The following MACROD2 variants were observed in gnomAD, a reference collection of about 807,000 sequenced individuals.
MACROD2 encodes ADP-ribose glycohydrolase MACROD2.
MACROD2 carries 36 observed loss-of-function variants against 70.4 expected under a neutral mutation model. The ratio of observed to expected loss-of-function variants is 0.51; its 90% CI spans 0.39 to 0.68. The LOEUF is 0.68. Ranked by LOEUF, MACROD2 falls within the 30% of genes least tolerant of loss-of-function variation. The probability of loss-of-function intolerance (pLI) is 0.00; values close to 1 mark genes in which losing one functional copy is unlikely to be tolerated. For missense variants in MACROD2, 496 were observed against 538.4 expected (o/e 0.92, Z 0.78); for synonymous variants, 172 against 178.8 (o/e 0.96, Z 0.30).
At chr20:15,457,086 C>G (rs1186277727) in intron 7 of MACROD2, among the ~76,000 whole-genome samples, 3 of 128,790 alleles carry the variant, frequency 2.3e-5, no homozygotes, top group Non-Finnish European at 4.8e-5. Context: ...AAAAAAAAAG[C>G]ATTTGACTTT....
chr20:15,161,759 G>A (rs78891633), intron 5 of MACROD2, among the ~76,000 whole-genome samples: 193 of 152,122 alleles, frequency 1.3e-3, no homozygotes, highest in Middle Eastern at 6.8e-3. Context: ...GAACCTGTCA[G>A]CTACACTTAA....
intron 3 of MACROD2, among the ~76,000 whole-genome samples, chr20:14,110,279 A>G (rs1384772097): frequency 6.6e-6 from 1 of 152,006 alleles, no homozygotes; most frequent in Admixed American, 6.6e-5. Flanking sequence ...TATCACCCTA[A>G]ATGGGGGAAA....
chr20:14,125,083 A>G (rs1024053318), intron 3 of MACROD2, among the ~76,000 whole-genome samples: 2 of 152,182 alleles, frequency 1.3e-5, no homozygotes, highest in African/African-American at 2.4e-5. Context: ...TTTCATTTAT[A>G]TGAACTATCC....
In MACROD2 at chr20:15,118,438, G is replaced by A. The variant is rs1365290276; in HGVS notation, c.419-111502G>A. Among the ~76,000 whole-genome samples the A allele has an allele frequency of 4.6e-5, 7 of 152,002 alleles. No individual in the cohort carries two copies. The East Asian group carries it at 7.8e-4, about 17-fold the overall frequency. ...GATCTCTTGACCTCATGATCCGCCC[G>A]CCTTGGCCTCCCAAAGTGGTGGGAG... On this transcript the variant is annotated intron_variant, in intron 5 of 17. Transcript: ENST00000684519.
intron 8 of MACROD2, among the ~76,000 whole-genome samples, chr20:15,698,689 C>T (rs2050412182): frequency 6.6e-6 from 1 of 152,112 alleles, no homozygotes; most frequent in Non-Finnish European, 1.5e-5. Flanking sequence ...TGAGAATTGT[C>T]TTCTTCCTCA....
intron 6 of MACROD2, among the ~76,000 whole-genome samples, chr20:15,271,821 T>C (rs1057441933): frequency 6.6e-6 from 1 of 152,162 alleles, no homozygotes; most frequent in African/African-American, 2.4e-5. Context: ...CATCCAGGAA[T>C]AGTTAAGGCA....
chr20:15,430,237 G>A (rs1402604004), intron 6 of MACROD2, among the ~76,000 whole-genome samples: 1 of 151,800 alleles, frequency 6.6e-6, no homozygotes, highest in African/African-American at 2.4e-5. Flanking sequence ...GTTATAGATA[G>A]CACTGTGATA....
intron 5 of MACROD2, among the ~76,000 whole-genome samples, chr20:15,168,221 G>A (rs2076398711): frequency 6.6e-6 from 1 of 152,094 alleles, no homozygotes; most frequent in South Asian, 2.1e-4. Context: ...TAAAAATCAA[G>A]AGATTCTGGG....
chr20:15,497,856 C>T (rs551495495), intron 7 of MACROD2, among the ~76,000 whole-genome samples: 2 of 152,280 alleles, frequency 1.3e-5, no homozygotes, highest in East Asian at 3.9e-4. Flanking sequence ...TGCCTCTTTA[C>T]TTGTCTATTT....
intron 9 of MACROD2, among the ~76,000 whole-genome samples, chr20:15,881,675 T>A (rs1358150246): frequency 2.0e-5 from 3 of 152,122 alleles, no homozygotes; most frequent in African/African-American, 7.2e-5. Flanking sequence ...GCTTCTCTCA[T>A]AATCATGACC....
intron 5 of MACROD2, among the ~76,000 whole-genome samples, chr20:15,191,234 T>G (rs2145914653): frequency 6.6e-6 from 1 of 152,250 alleles, no homozygotes; most frequent in South Asian, 2.1e-4. Flanking sequence ...GCAGAAGTAT[T>G]TATTCACTGA....
chr20:15,542,552 G>T (rs187300520), intron 8 of MACROD2, among the ~76,000 whole-genome samples: 2 of 152,106 alleles, frequency 1.3e-5, no homozygotes, highest in Non-Finnish European at 2.9e-5. Context: ...AGGAGGTAAG[G>T]CTTCAGTGGC....
chr20:14,410,514 G>T (rs922563740), intron 3 of MACROD2, among the ~76,000 whole-genome samples: 3 of 152,136 alleles, frequency 2.0e-5, no homozygotes, highest in Non-Finnish European at 4.4e-5. Flanking sequence ...CGTTTAGGAT[G>T]ATGGCCTTTA....
At chr20:15,831,677 A>G (rs2064057623) in intron 8 of MACROD2, among the ~76,000 whole-genome samples, 1 of 151,896 alleles carries the variant, frequency 6.6e-6, no homozygotes. Context: ...TTCTCCCTTG[A>G]CATTGCTTGA....
chr20:15,737,329 T>C (rs1168240828), intron 8 of MACROD2, among the ~76,000 whole-genome samples: 3 of 152,240 alleles, frequency 2.0e-5, no homozygotes, highest in Admixed American at 6.5e-5. Context: ...TACATCCTCA[T>C]GGTGTTACTA....
At chr20:15,562,778 G>A (rs1029894345) in intron 8 of MACROD2, among the ~76,000 whole-genome samples, 1 of 152,176 alleles carries the variant, frequency 6.6e-6, no homozygotes, top group African/African-American at 2.4e-5. Context: ...TGATCTCCAT[G>A]GCAGAGATGA....
At chr20:14,708,129 C>T (rs563274382) in intron 5 of MACROD2, among the ~76,000 whole-genome samples, 1 of 152,326 alleles carries the variant, frequency 6.6e-6, no homozygotes, top group East Asian at 1.9e-4. Flanking sequence ...ATGTGTAACA[C>T]ATACAATACC....
At chr20:15,235,603 G>A (rs1327700924) in intron 6 of MACROD2, among the ~76,000 whole-genome samples, 1 of 152,206 alleles carries the variant, frequency 6.6e-6, no homozygotes, top group Admixed American at 6.5e-5. Flanking sequence ...TCATTTTAAG[G>A]CGTAGTCAAG....
At chr20:14,233,295 G>T (rs2081835656) in intron 3 of MACROD2, among the ~76,000 whole-genome samples, 1 of 152,150 alleles carries the variant, frequency 6.6e-6, no homozygotes, top group South Asian at 2.1e-4. Flanking sequence ...TGTGCTTGAT[G>T]CAGCGTTGCC....
Sources: allele counts gnomAD v4.1 joint callset (sites outside exome capture counted in the v4.1 genomes callset), GRCh38; gene constraint gnomAD v4.1.1; transcripts MANE v1.5; gene names NCBI Gene and HGNC (gene_info 2026-07-23, HGNC 2026-07-21).